Variants in MARCHF6 observed in about 807,000 individuals in gnomAD.
MARCHF6 encodes the protein E3 ubiquitin-protein ligase MARCHF6.
In MARCHF6, 31 loss-of-function variants were observed where a neutral mutation model predicts 133.7. That is an observed-to-expected ratio of 0.23 (90% confidence interval 0.17 to 0.31). The LOEUF is 0.31. MARCHF6 is among the 10% of genes least tolerant of loss of function. The probability of loss-of-function intolerance (pLI) is 1.00; values close to 1 mark genes in which losing one functional copy is unlikely to be tolerated. For synonymous variants in MARCHF6, 395 were observed against 402.5 expected, an observed-to-expected ratio of 0.98 and a Z score of 0.22; for missense variants, 723 against 1,121.6, an observed-to-expected ratio of 0.64 and a Z score of 5.08.
intron 10 of MARCHF6, among the ~76,000 whole-genome samples, chr5:10,400,540 A>C (rs79103690): frequency 6.6e-6 from 1 of 151,956 alleles, no homozygotes; most frequent in Admixed American, 6.6e-5. Flanking sequence ...TTTGATGCTC[A>C]TATTATCCTC....
At chr5:10,370,619 C>A (rs1379897567) in intron 1 of MARCHF6, among the ~76,000 whole-genome samples, 1 of 151,826 alleles carries the variant, frequency 6.6e-6, no homozygotes, top group Non-Finnish European at 1.5e-5. Context: ...AGATCTTTTG[C>A]TGATTTTTTT....
rs16884673 is a variant in MARCHF6 at position 10,418,510 on chromosome 5, G to C, written c.2283+1106G>C. Among the ~76,000 whole-genome samples the C allele has an allele frequency of 5.4e-3, 820 of 152,148 alleles. 2 individuals carry two copies. Among genetic ancestry groups the C allele is most frequent in the African/African-American group, 0.019 (795 of 41,500 alleles). On this transcript the variant is annotated intron_variant, in intron 22 of 25. Transcript: ENST00000274140. The stretch of plus-strand genomic sequence containing the variant: ...AGAGCCTGAGGTTTTTAACATCATA[G>C]AATTAAGATCTCAAGTTCTTAGTAG...
At chr5:10,356,242 G>A (rs181529331) in intron 1 of MARCHF6, among the ~76,000 whole-genome samples, 92 of 150,952 alleles carry the variant, frequency 6.1e-4, no homozygotes, top group African/African-American at 2.1e-3. Flanking sequence ...AAATTTTTTG[G>A]TAGGAGATAT....
intron 3 of MARCHF6, among the ~76,000 whole-genome samples, chr5:10,379,956 A>G (rs1233133137): frequency 2.0e-5 from 3 of 152,160 alleles, no homozygotes; most frequent in Non-Finnish European, 4.4e-5. Context: ...TTTTAAGGTC[A>G]ATATTTCATA....
At position 10,391,735 on chromosome 5, in the gene MARCHF6, A is replaced by G; in HGVS notation, c.766+4A>G. 1 of 1,533,488 alleles carries G rather than the reference A, an allele frequency of 6.5e-7. No homozygotes were observed. Among genetic ancestry groups the G allele is most frequent in the East Asian group, 2.4e-5 (1 of 41,814 alleles). The allele number at this position is 1,533,488 out of a possible 1,614,324, so 95.0% of individuals were successfully genotyped here. ...GATGCTAATAACGGAGCCCAGGGTA[A>G]TGGCTGCTTGTGTGTCCTCACTCTT... On this transcript the variant is annotated splice_donor_region_variant and intron_variant, in intron 7 of 25. Coordinates refer to ENST00000274140, the MANE Select transcript of MARCHF6 (RefSeq NM_005885.4).
chr5:10,406,830 T>TA (rs1346575464), intron 16 of MARCHF6, among the ~76,000 whole-genome samples: 1 of 152,238 alleles, frequency 6.6e-6, no homozygotes, highest in African/African-American at 2.4e-5. Context: ...TCCAGCTCAT[T>TA]CCTTAGGTAG....
rs535704610 is a variant in MARCHF6, at chr5:10,429,267, C to T, written c.2507-626C>T. On this transcript the variant is annotated intron_variant, in intron 24 of 25. Coordinates refer to ENST00000274140, the MANE Select transcript of MARCHF6 (RefSeq NM_005885.4). ...ATAGAAAAATAAATACATGTGTGTTCTAAAAGTTTGAGGATTTTTTTATTA... is the reference window on the plus strand; with the variant it reads ...ATAGAAAAATAAATACATGTGTGTTTTAAAAGTTTGAGGATTTTTTTATTA... Among the ~76,000 whole-genome samples, 5 of 152,158 alleles carry T rather than the reference C, an allele frequency of 3.3e-5. No individual in the cohort carries two copies. The East Asian group carries it at 9.7e-4, about 29-fold the overall frequency.
At position 10,402,713 on chromosome 5, in the gene MARCHF6, G is replaced by T. The variant is rs1190274559; in HGVS notation, c.1197+106G>T. On this transcript the variant is annotated intron_variant, in intron 14 of 25. Coordinates refer to ENST00000274140, the MANE Select transcript of MARCHF6 (RefSeq NM_005885.4). ...AAGGAAAGCAAATATTTGATAATTT[G>T]CTTATTCTTTTGGCATGTGTATCAG... 3.9e-6 allele frequency: 4 copies of T among 1,032,354 alleles called. No homozygotes were observed. In the African/African-American group the frequency reaches 6.4e-5, roughly 17 times the overall value. 63.9% of individuals were successfully genotyped at this position (1,032,354 alleles called of 1,614,324 possible). A position where few individuals can be genotyped will look rare whatever the true frequency, so the allele number is the denominator to read the frequency against.
intron 17 of MARCHF6, 120 bp downstream of exon 17, chr5:10,407,322 A>G (rs1738958056): frequency 2.4e-6 from 1 of 411,274 alleles, no homozygotes; most frequent in East Asian, 4.0e-5. Context: ...TGACAATTAA[A>G]TTTTGCTTTA....
rs1740508377 is a variant in MARCHF6 at position 10,434,429 on chromosome 5, G to A, written c.*745G>A. On this transcript the variant is annotated 3_prime_UTR_variant, in exon 26 of 26. Transcript: ENST00000274140. The stretch of plus-strand genomic sequence containing the variant: ...TGGGAGTTGGGTTTCAGTGGGGCAT[G>A]TCTATACTTAGAGAAAAAAAGTCCA... 1 of 152,564 alleles carries A rather than the reference G, an allele frequency of 6.6e-6. No homozygotes were observed. The highest frequency in any genetic ancestry group is 1.5e-5 in the Non-Finnish European group (1 of 68,054). 9.5% of individuals were successfully genotyped at this position (152,564 alleles called of 1,614,324 possible). A position where few individuals can be genotyped will look rare whatever the true frequency, so the allele number is the denominator to read the frequency against.
chr5:10,357,722 C>T (rs527555396), intron 1 of MARCHF6, among the ~76,000 whole-genome samples: 2 of 152,266 alleles, frequency 1.3e-5, no homozygotes, highest in African/African-American at 4.8e-5. Flanking sequence ...ACCAAGTGTA[C>T]ATGCATTTAT....
intron 25 of MARCHF6, among the ~76,000 whole-genome samples, chr5:10,430,810 G>GT (rs1345335179): frequency 6.6e-6 from 1 of 152,192 alleles, no homozygotes; most frequent in Non-Finnish European, 1.5e-5. Flanking sequence ...CAAAAATGTT[G>GT]TGGGACTCTC....
intron 1 of MARCHF6, chr5:10,354,127 G>GGGGACCCTGCCGGGCA (rs1311449847): frequency 5.5e-6 from 2 of 360,366 alleles, no homozygotes; most frequent in South Asian, 1.2e-4. Context: ...CGAGGGGGGC[G>GGGGACCCTGCCGGGCA]GGGACCCTGC....
intron 22 of MARCHF6, among the ~76,000 whole-genome samples, chr5:10,418,145 A>G (rs995413668): frequency 2.0e-5 from 3 of 152,152 alleles, no homozygotes; most frequent in Non-Finnish European, 2.9e-5. Context: ...TTGGGAGGCC[A>G]AGGTGGGTGG....
At position 10,426,425 on chromosome 5, in the gene MARCHF6, C is replaced by T; in HGVS notation, c.2409C>T (p.His803=). 1 of 1,614,090 alleles carries T rather than the reference C, an allele frequency of 6.2e-7. No individual in the cohort carries two copies. Among genetic ancestry groups the T allele is most frequent in the Non-Finnish European group, 8.5e-7 (1 of 1,179,996 alleles). ...ATGGCATCCGGAACATTGACCTTCA[C>T]TATATTGTTCGTAAACTGGCAGCTC... ...YANGIRNIDL[H]YIVRKLAAPV... The change falls in exon 24 of 26, where the codon CAC becomes CAT. Residue 803 remains histidine, a synonymous_variant. Coordinates refer to ENST00000274140, the MANE Select transcript of MARCHF6 (RefSeq NM_005885.4).
chr5:10,422,836 A>C (rs191939833), intron 22 of MARCHF6, among the ~76,000 whole-genome samples: 4 of 152,280 alleles, frequency 2.6e-5, no homozygotes, highest in Admixed American at 1.3e-4. Flanking sequence ...GTATAGATGC[A>C]GCTGAATGCA....
At chr5:10,421,859 T>G (rs1250935435) in intron 22 of MARCHF6, 1 of 152,234 alleles carries the variant, frequency 6.6e-6, no homozygotes, top group Non-Finnish European at 1.5e-5. Flanking sequence ...TGAAGCCCTT[T>G]AGGATATTCT....
At chr5:10,370,892 T>C (rs1231852997) in intron 1 of MARCHF6, among the ~76,000 whole-genome samples, 3 of 152,174 alleles carry the variant, frequency 2.0e-5, no homozygotes, top group Non-Finnish European at 2.9e-5. Context: ...CAGTCTACTG[T>C]GCAAGTGGGA....
intron 17 of MARCHF6, among the ~76,000 whole-genome samples, chr5:10,407,784 T>C (rs1230220178): frequency 6.6e-6 from 1 of 152,140 alleles, no homozygotes; most frequent in African/African-American, 2.4e-5. Flanking sequence ...AGAAACCCTG[T>C]CTCTACTAAA....
Sources: allele counts gnomAD v4.1 joint callset (sites outside exome capture counted in the v4.1 genomes callset), GRCh38; gene constraint gnomAD v4.1.1; transcripts MANE v1.5; gene names NCBI Gene and HGNC (gene_info 2026-07-23, HGNC 2026-07-21).